Variants in TMEM135 observed in about 807,000 individuals in gnomAD.
The protein encoded by TMEM135 is peroxisomal membrane protein 52.
TMEM135 carries 30 observed loss-of-function variants against 60.3 expected under a neutral mutation model. That is an observed-to-expected ratio of 0.50 (90% confidence interval 0.37 to 0.68). TMEM135 has a LOEUF of 0.68. Among genes scored for constraint, TMEM135 ranks in the 30% least tolerant of loss-of-function variants. The pLI is 0.00. For missense variants in TMEM135, 468 were observed against 548.8 expected, an observed-to-expected ratio of 0.85 and a Z score of 1.47; for synonymous variants, 190 against 186.7, an observed-to-expected ratio of 1.02 and a Z score of -0.14.
intron 6 of TMEM135, among the ~76,000 whole-genome samples, chr11:87,265,890 T>C (rs907336280): frequency 6.6e-6 from 1 of 152,156 alleles, no homozygotes; most frequent in African/African-American, 2.4e-5. Flanking sequence ...TTCCTTGAGA[T>C]TCTGAGAAAG....
chr11:87,281,798 T>A (rs1238858230), intron 6 of TMEM135, among the ~76,000 whole-genome samples: 1 of 152,264 alleles, frequency 6.6e-6, no homozygotes. Flanking sequence ...CAGTTTCCTA[T>A]GTTTGTTCTT....
intron 6 of TMEM135, among the ~76,000 whole-genome samples, chr11:87,242,347 A>G (rs909808831): frequency 2.0e-5 from 3 of 151,466 alleles, no homozygotes; most frequent in African/African-American, 7.3e-5. Context: ...CATGTTTTAT[A>G]GTCCTTTGGG....
chr11:87,291,199 A>C (rs1942254716), intron 6 of TMEM135, among the ~76,000 whole-genome samples: 1 of 152,200 alleles, frequency 6.6e-6, no homozygotes, highest in Non-Finnish European at 1.5e-5. Context: ...CCGTTTAATT[A>C]GTTAACACAC....
chr11:87,242,421 C>G (rs9735364), intron 6 of TMEM135, among the ~76,000 whole-genome samples: 63,372 of 108,490 alleles, frequency 0.58, 18,753 homozygotes, highest in Middle Eastern at 0.66. Flanking sequence ...CCTGAGGAAT[C>G]GCCACACTGA....
intron 1 of TMEM135, among the ~76,000 whole-genome samples, chr11:87,046,969 TA>T (rs1230480353): frequency 6.6e-6 from 1 of 152,192 alleles, no homozygotes; most frequent in Non-Finnish European, 1.5e-5. Context: ...TCCTCATCTA[TA>T]AAATGAGGAT....
intron 6 of TMEM135, among the ~76,000 whole-genome samples, chr11:87,276,872 A>G (rs534866610): frequency 2.4e-4 from 36 of 151,722 alleles, no homozygotes; most frequent in African/African-American, 7.7e-4. Flanking sequence ...GGGTTTCACC[A>G]TGTTGGCCAG....
intron 1 of TMEM135, among the ~76,000 whole-genome samples, chr11:87,044,173 T>C (rs1267658105): frequency 6.6e-6 from 1 of 152,094 alleles, no homozygotes; most frequent in East Asian, 1.9e-4. Flanking sequence ...GTTAATCACT[T>C]CTAGGCTCTG....
At chr11:87,134,566 C>A (rs1938038741) in intron 4 of TMEM135, among the ~76,000 whole-genome samples, 1 of 152,198 alleles carries the variant, frequency 6.6e-6, no homozygotes, top group Non-Finnish European at 1.5e-5. Context: ...CACTGCAATG[C>A]AAACTCCTGG....
Position 87,285,353 on chromosome 11 carries a change from A to G in TMEM135, c.510-10429A>G, listed in dbSNP as rs570272072. Among the ~76,000 whole-genome samples the G allele has an allele frequency of 5.4e-4, 82 of 152,332 alleles. 1 individual carries two copies. The highest frequency in any genetic ancestry group is 7.8e-4 in the Admixed American group (12 of 15,308). ...TTGGTCTCACTGACTTCAAGAATGAAGCTGCAGACCCTCGCGGTGAGTGTT... is the reference window on the plus strand; with the variant it reads ...TTGGTCTCACTGACTTCAAGAATGAGGCTGCAGACCCTCGCGGTGAGTGTT... On this transcript the variant is annotated intron_variant, in intron 6 of 14. Transcript: ENST00000305494.
At chr11:87,139,136 T>C (rs778021424) in intron 4 of TMEM135, among the ~76,000 whole-genome samples, 1 of 152,194 alleles carries the variant, frequency 6.6e-6, no homozygotes, top group Admixed American at 6.5e-5. Context: ...CTAAAGCATA[T>C]GAATTTCTTT....
At chr11:87,204,093 G>T (rs1940181998) in intron 5 of TMEM135, among the ~76,000 whole-genome samples, 1 of 150,996 alleles carries the variant, frequency 6.6e-6, no homozygotes, top group Non-Finnish European at 1.5e-5. Context: ...TCCTCTTTTG[G>T]CTCGTTTACT....
chr11:87,043,230 C>T (rs551032225), intron 1 of TMEM135, among the ~76,000 whole-genome samples: 16 of 152,012 alleles, frequency 1.1e-4, no homozygotes, highest in Middle Eastern at 3.4e-3. Flanking sequence ...GCTGGAATTA[C>T]AGGAGTGAGC....
chr11:87,057,740 CGTT>C (rs1949906745), intron 1 of TMEM135, among the ~76,000 whole-genome samples: 1 of 151,824 alleles, frequency 6.6e-6, no homozygotes, highest in Non-Finnish European at 1.5e-5. Flanking sequence ...AAAATAAAGA[CGTT>C]GGAAGCAATT....
chr11:87,204,933 T>G (rs1007959721), intron 5 of TMEM135, among the ~76,000 whole-genome samples: 1 of 152,226 alleles, frequency 6.6e-6, no homozygotes, highest in Non-Finnish European at 1.5e-5. Context: ...TCCCTTTATA[T>G]TCTTTTTCTA....
At chr11:87,279,030 G>A (rs1051536456) in intron 6 of TMEM135, among the ~76,000 whole-genome samples, 1 of 151,366 alleles carries the variant, frequency 6.6e-6, no homozygotes, top group Non-Finnish European at 1.5e-5. Flanking sequence ...TGTATTAGTA[G>A]TTTGTTCTTC....
intron 2 of TMEM135, among the ~76,000 whole-genome samples, chr11:87,071,295 A>G (rs952675476): frequency 4.6e-5 from 7 of 152,334 alleles, no homozygotes; most frequent in Middle Eastern, 3.4e-3. Flanking sequence ...CCTGTCAAAC[A>G]TAAGTGGATA....
rs553653427 is a variant in TMEM135 at position 87,292,245 on chromosome 11, GTTTTA to G, written c.510-3532_510-3528del. 6.1e-3 allele frequency among the ~76,000 whole-genome samples: 929 copies of G among 152,028 alleles called. 4 individuals carry two copies. The highest frequency in any genetic ancestry group is 9.2e-3 in the Non-Finnish European group (622 of 67,948). On this transcript the variant is annotated intron_variant, in intron 6 of 14. Transcript: ENST00000305494. ...ATCTTGGAGGTTTGTTTTTTGTTTT[GTTTTA>G]TTTTGTTTTTTTACCATACCTGTTA... is the stretch of plus-strand genomic sequence containing the variant.
chr11:87,279,232 G>A (rs10898655), intron 6 of TMEM135, among the ~76,000 whole-genome samples: 55,640 of 151,870 alleles, frequency 0.37, 10,851 homozygotes, highest in Non-Finnish European at 0.43. Flanking sequence ...TTGGAGGAAG[G>A]CCTGTAGTGA....
intron 1 of TMEM135, among the ~76,000 whole-genome samples, chr11:87,044,797 G>A (rs1047750378): frequency 4.0e-5 from 6 of 150,496 alleles, no homozygotes; most frequent in South Asian, 2.1e-4. Context: ...ACTACAGGCC[G>A]CGCCACCACG....
Sources: allele counts gnomAD v4.1 joint callset (sites outside exome capture counted in the v4.1 genomes callset), GRCh38; gene constraint gnomAD v4.1.1; transcripts MANE v1.5; gene names NCBI Gene and HGNC (gene_info 2026-07-23, HGNC 2026-07-21).